DENND5B: variants seen among roughly 807,000 people sequenced by gnomAD.
DENND5B encodes the protein DENN domain-containing protein 5B.
In DENND5B, 34 loss-of-function variants were observed where a neutral mutation model predicts 140.6. The observed-to-expected ratio is 0.24, with a 90% CI of 0.18 to 0.32. The LOEUF (loss-of-function observed/expected upper bound fraction) is 0.32. Ranked by LOEUF, DENND5B falls within the 10% of genes least tolerant of loss-of-function variation. The probability of loss-of-function intolerance (pLI) is 1.00; values close to 1 mark genes in which losing one functional copy is unlikely to be tolerated. For synonymous variants in DENND5B, 551 were observed against 562.1 expected, an observed-to-expected ratio of 0.98 and a Z score of 0.28; for missense variants, 1,142 against 1,560.2, an observed-to-expected ratio of 0.73 and a Z score of 4.52.
At chr12:31,555,706 G>A (rs978275499) in intron 1 of DENND5B, among the ~76,000 whole-genome samples, 5 of 152,294 alleles carry the variant, frequency 3.3e-5, no homozygotes, top group East Asian at 1.9e-4. Flanking sequence ...CACCCAGTTC[G>A]AGCTTCCTGG....
chr12:31,433,251 G>A lies in DENND5B; in HGVS notation c.2013-3C>T. ...TGGCACTCCGACTTACCCAGCGACTGAAACAATCAAATTATTTAAAAATGT... is the reference window on the plus strand; with the variant it reads ...TGGCACTCCGACTTACCCAGCGACTAAAACAATCAAATTATTTAAAAATGT... On this transcript the variant is annotated splice_region_variant and splice_polypyrimidine_tract_variant and intron_variant, in intron 7 of 20. Transcript: ENST00000389082. 1.9e-6 allele frequency: 3 copies of A among 1,606,180 alleles called. No individual in the cohort carries two copies. The highest frequency in any genetic ancestry group is 2.5e-6 in the Non-Finnish European group (3 of 1,177,310).
At chr12:31,562,628 GAAATAAAATA>G (rs1221197995) in intron 1 of DENND5B, among the ~76,000 whole-genome samples, 25 of 151,636 alleles carry the variant, frequency 1.6e-4, no homozygotes, top group Admixed American at 6.6e-4. Flanking sequence ...AAAAAAAAAT[GAAATAAAATA>G]AAATAAAATA....
intron 3 of DENND5B, 139 bp downstream of exon 3, chr12:31,479,450 C>T: frequency 4.2e-6 from 3 of 719,418 alleles, no homozygotes; most frequent in Non-Finnish European, 3.9e-6. Flanking sequence ...GCCGCTGGTC[C>T]CACCATACCT....
At chr12:31,526,912 A>G (rs540997257) in intron 1 of DENND5B, among the ~76,000 whole-genome samples, 16 of 152,338 alleles carry the variant, frequency 1.1e-4, no homozygotes, top group Middle Eastern at 6.8e-3. Context: ...AAAGAAGGAT[A>G]TATTAATCTA....
intron 1 of DENND5B, among the ~76,000 whole-genome samples, chr12:31,580,280 T>TA (rs1198657621): frequency 3.3e-5 from 5 of 152,134 alleles, no homozygotes; most frequent in Admixed American, 6.6e-5. Flanking sequence ...ATATACCTGG[T>TA]AAAAATGGTT....
intron 16 of DENND5B, among the ~76,000 whole-genome samples, chr12:31,398,595 C>A (rs1941613909): frequency 6.6e-6 from 1 of 152,002 alleles, no homozygotes; most frequent in South Asian, 2.1e-4. Context: ...AGCCACTGCA[C>A]CCGGTCAGAA....
chr12:31,448,514 T>C (rs1293339402), intron 5 of DENND5B, among the ~76,000 whole-genome samples: 1 of 152,218 alleles, frequency 6.6e-6, no homozygotes, highest in African/African-American at 2.4e-5. Context: ...GATGATTAAC[T>C]GATACAATAA....
At chr12:31,440,983 G>T (rs1944003700) in intron 7 of DENND5B, among the ~76,000 whole-genome samples, 1 of 152,088 alleles carries the variant, frequency 6.6e-6, no homozygotes, top group Non-Finnish European at 1.5e-5. Context: ...TGATACACTT[G>T]CTTAGGCCTC....
chr12:31,481,918 G>A (rs1429743865), intron 2 of DENND5B, among the ~76,000 whole-genome samples: 1 of 152,182 alleles, frequency 6.6e-6, no homozygotes, highest in Non-Finnish European at 1.5e-5. Flanking sequence ...TGAGAGGCTA[G>A]AGGAAGAAGT....
chr12:31,555,126 G>C lies in DENND5B; in HGVS notation c.127+35580C>G, dbSNP rs1208583034. 2.0e-5 allele frequency among the ~76,000 whole-genome samples: 3 copies of C among 152,180 alleles called. No individual in the cohort carries two copies. In the East Asian group the frequency reaches 5.8e-4, roughly 29 times the overall value. On this transcript the variant is annotated intron_variant, in intron 1 of 20. Coordinates refer to ENST00000389082, the MANE Select transcript of DENND5B (RefSeq NM_144973.4). ...AGCTGCGTTCCTTTGGAGGAGGAGA[G>C]GCACTCTGATTTTTAGAGTTTCCAG... is the stretch of plus-strand genomic sequence containing the variant.
At chr12:31,561,649 T>C (rs537853822) in intron 1 of DENND5B, among the ~76,000 whole-genome samples, 1 of 152,336 alleles carries the variant, frequency 6.6e-6, no homozygotes, top group Admixed American at 6.5e-5. Flanking sequence ...CAAACCTGTT[T>C]AGCATAACAT....
chr12:31,409,412 C>T (rs894521529), intron 13 of DENND5B, 28 bp from the exon 14 acceptor site: 43 of 1,341,218 alleles, frequency 3.2e-5, no homozygotes, highest in Middle Eastern at 2.2e-4. Context: ...AAGCACAAGA[C>T]AGTAGTATCA....
intron 7 of DENND5B, 39 bp downstream of exon 7, chr12:31,442,736 A>C (rs1340560198): frequency 6.3e-6 from 10 of 1,595,306 alleles, no homozygotes; most frequent in Non-Finnish European, 7.7e-6. Flanking sequence ...CCCTTCATTC[A>C]TTCCTTCAAC....
intron 1 of DENND5B, among the ~76,000 whole-genome samples, chr12:31,506,760 A>G (rs1947218772): frequency 6.6e-6 from 1 of 152,214 alleles, no homozygotes; most frequent in Admixed American, 6.5e-5. Flanking sequence ...CAGGATGACC[A>G]ATCAAATGAA....
rs114696157 is a variant in DENND5B, at chr12:31,486,613, C to G, written c.238-6358G>C. ...GACTGTGGCAGAAACTGTATGCCCA[C>G]AATACCTCAACTACTTATTATTTGG... On this transcript the variant is annotated intron_variant, in intron 2 of 20. Transcript: ENST00000389082. Among the ~76,000 whole-genome samples, 1,463 of 152,324 alleles carry G rather than the reference C, an allele frequency of 9.6e-3. 25 individuals are homozygous for G. Among genetic ancestry groups the G allele is most frequent in the African/African-American group, 0.033 (1,385 of 41,552 alleles).
chr12:31,587,607 G>A (rs1259357), intron 1 of DENND5B, among the ~76,000 whole-genome samples: 11,065 of 127,442 alleles, frequency 0.087, 990 homozygotes, highest in African/African-American at 0.24. Flanking sequence ...GAGTGCAGTG[G>A]CACGATCTCA....
chr12:31,542,170 C>G (rs2139174160), intron 1 of DENND5B, among the ~76,000 whole-genome samples: 1 of 152,082 alleles, frequency 6.6e-6, no homozygotes, highest in African/African-American at 2.4e-5. Context: ...CACTTGTAGT[C>G]CCAGCTACTC....
intron 2 of DENND5B, among the ~76,000 whole-genome samples, chr12:31,487,281 T>C (rs1016847615): frequency 6.6e-6 from 1 of 152,228 alleles, no homozygotes; most frequent in Non-Finnish European, 1.5e-5. Context: ...AGCCACTTAT[T>C]CCTAGTCTTA....
At chr12:31,428,629 T>A (rs10843945) in intron 8 of DENND5B, among the ~76,000 whole-genome samples, 30 of 151,698 alleles carry the variant, frequency 2.0e-4, no homozygotes, top group African/African-American at 4.8e-4. Flanking sequence ...GTGCAATGGC[T>A]TGATCTCGGC....
Sources: gnomAD v4.1 joint callset for allele counts (sites outside exome capture counted in the v4.1 genomes callset) on GRCh38, gnomAD v4.1.1 for gene constraint, MANE v1.5 for transcripts, NCBI Gene and HGNC (gene_info 2026-07-23, HGNC 2026-07-21) for gene names.